The following SLC11A2 variants were observed in gnomAD, a reference collection of about 807,000 sequenced individuals.
The protein encoded by SLC11A2 is natural resistance-associated macrophage protein 2.
A neutral mutation model predicts 68.0 loss-of-function variants in SLC11A2; 38 were observed. That is an observed-to-expected ratio of 0.56 (90% confidence interval 0.43 to 0.73). The LOEUF (loss-of-function observed/expected upper bound fraction) is 0.73, where lower values mean the gene tolerates loss of function less well. SLC11A2 is among the 30% of genes least tolerant of loss of function. The probability of loss-of-function intolerance (pLI) is 0.00; values close to 1 mark genes in which losing one functional copy is unlikely to be tolerated. For synonymous variants in SLC11A2, 242 were observed against 250.6 expected (o/e 0.97, Z 0.32); for missense variants, 517 against 690.5 (o/e 0.75, Z 2.82).
At chr12:51,009,137 A>T in intron 2 of SLC11A2, 1 of 1,518,598 alleles carries the variant, frequency 6.6e-7, no homozygotes, top group Middle Eastern at 1.7e-4. Context: ...GACCGTGGAC[A>T]TTATACCTCC....
At chr12:51,027,598 T>A (rs1944442816), upstream of SLC11A2, among the ~76,000 whole-genome samples, 1 of 152,130 alleles carries the variant, frequency 6.6e-6, no homozygotes, top group South Asian at 2.1e-4. Context: ...AGTTTCAGCC[T>A]CACACCGTAT....
intron 1 of SLC11A2, among the ~76,000 whole-genome samples, chr12:51,020,094 A>C (rs886939739): frequency 1.3e-5 from 2 of 151,752 alleles, no homozygotes; most frequent in African/African-American, 4.8e-5. Flanking sequence ...CTTACAGAAC[A>C]ATTATTTACA....
At chr12:51,018,315 AC>A (rs1943802972) in intron 1 of SLC11A2, among the ~76,000 whole-genome samples, 1 of 151,804 alleles carries the variant, frequency 6.6e-6, no homozygotes, top group Non-Finnish European at 1.5e-5. Context: ...AAACGCTTGA[AC>A]CTGGGAAGTG....
upstream of SLC11A2, chr12:51,028,448 C>G (rs568208522): frequency 5.2e-4 from 231 of 441,198 alleles, 1 homozygote; most frequent in Non-Finnish European, 8.2e-4. Context: ...ATCTGCCACT[C>G]CTAGATATTA....
chr12:51,002,462 A>G (rs1942331661), intron 5 of SLC11A2, among the ~76,000 whole-genome samples: 1 of 151,752 alleles, frequency 6.6e-6, no homozygotes, highest in South Asian at 2.1e-4. Flanking sequence ...AACATGGTGA[A>G]ACCCTGTCTC....
intron 9 of SLC11A2, 106 bp downstream of exon 9, chr12:50,996,711 T>A: frequency 8.8e-7 from 1 of 1,138,178 alleles, no homozygotes; most frequent in Non-Finnish European, 1.3e-6. Flanking sequence ...AATACCTTGC[T>A]CCTTCATGGT....
intron 2 of SLC11A2, chr12:51,009,257 G>A (rs1278679713): frequency 7.6e-7 from 1 of 1,314,882 alleles, no homozygotes; most frequent in East Asian, 2.9e-5. Flanking sequence ...TCTGACTAAG[G>A]CTTGCAGTAA....
chr12:50,973,052 T>C, the SLC11A2 span, among the ~76,000 whole-genome samples: 1 of 152,138 alleles, frequency 6.6e-6, no homozygotes, highest in Admixed American at 6.5e-5. Context: ...CTCTGTAGAC[T>C]CCACCTCTGG....
Position 50,986,432 on chromosome 12 carries a change from C to T in SLC11A2, c.*1893G>A, listed in dbSNP as rs1351922005. On this transcript the variant is annotated 3_prime_UTR_variant, in exon 16 of 16. Transcript: ENST00000262052. The stretch of plus-strand genomic sequence containing the variant: ...CATTTAATTGGAAGGAGTTTTCTAT[C>T]ATTGCAAGTCATAAATATAACTTTT... 7.8e-7 allele frequency: 1 copy of T among 1,283,946 alleles called. No homozygotes were observed. The highest frequency in any genetic ancestry group is 1.0e-6 in the Non-Finnish European group (1 of 986,016). The allele number at this position is 1,283,946 out of a possible 1,614,324, so 79.5% of individuals were successfully genotyped here. A position where few individuals can be genotyped will look rare whatever the true frequency, so the allele number is the denominator to read the frequency against.
At chr12:50,979,491 C>T (rs528139378), downstream of SLC11A2, 1 of 166,304 alleles carries the variant, frequency 6.0e-6, no homozygotes, top group Admixed American at 6.0e-5. Context: ...AATAAAACCA[C>T]CCAGGGAGGC....
chr12:51,016,847 CAAAA>C (rs34208777), intron 1 of SLC11A2, among the ~76,000 whole-genome samples: 7 of 60,744 alleles, frequency 1.2e-4, no homozygotes, highest in South Asian at 6.1e-4. Context: ...AACTCTGTCT[CAAAA>C]AAAAAAAAAA....
chr12:50,979,344 T>C (rs1041566916), downstream of SLC11A2: 3 of 158,212 alleles, frequency 1.9e-5, no homozygotes, highest in Non-Finnish European at 2.8e-5. Context: ...TAACATATAG[T>C]TCAGGACTGG....
At chr12:50,969,728 G>A in the SLC11A2 span, among the ~76,000 whole-genome samples, 22,799 of 150,954 alleles carry the variant, frequency 0.15, 1,920 homozygotes, top group South Asian at 0.26. Context: ...AAAACAAAAC[G>A]TCATACTTAC....
chr12:50,956,653 G>A, the SLC11A2 span, among the ~76,000 whole-genome samples: 1 of 152,106 alleles, frequency 6.6e-6, no homozygotes, highest in East Asian at 1.9e-4. Flanking sequence ...GGCTTTGCTT[G>A]TTTCACTTAA....
At chr12:50,963,846 A>T in the SLC11A2 span, among the ~76,000 whole-genome samples, 5 of 152,240 alleles carry the variant, frequency 3.3e-5, 1 homozygote, top group Admixed American at 3.3e-4. Context: ...CTGACATAAT[A>T]TAAGCCTACC....
chr12:50,963,261 T>C, the SLC11A2 span, among the ~76,000 whole-genome samples: 1 of 147,840 alleles, frequency 6.8e-6, no homozygotes, highest in East Asian at 2.0e-4. Context: ...TCCCAGCTAC[T>C]CAGGAGGCTG....
At chr12:50,961,055 A>T in the SLC11A2 span, 5 of 1,613,802 alleles carry the variant, frequency 3.1e-6, 1 homozygote, top group African/African-American at 5.3e-5. Flanking sequence ...CATCTTATTC[A>T]CATGAGAGTT....
At chr12:51,017,317 T>C (rs762886062) in intron 1 of SLC11A2, among the ~76,000 whole-genome samples, 1 of 152,212 alleles carries the variant, frequency 6.6e-6, no homozygotes, top group Non-Finnish European at 1.5e-5. Context: ...AGACGATCTA[T>C]CATGTATAGA....
intron 13 of SLC11A2, 26 bp downstream of exon 13, chr12:50,992,164 A>T: frequency 1.2e-6 from 2 of 1,612,948 alleles, no homozygotes; most frequent in Non-Finnish European, 1.7e-6. Context: ...AATAACTAGG[A>T]TGTGTTTCCT....
Sources: allele counts gnomAD v4.1 joint callset (sites outside exome capture counted in the v4.1 genomes callset), GRCh38; gene constraint gnomAD v4.1.1; transcripts MANE v1.5; gene names NCBI Gene and HGNC (gene_info 2026-07-23, HGNC 2026-07-21).